Variants in UBR3 observed in about 807,000 individuals in gnomAD.
UBR3 encodes the protein E3 ubiquitin-protein ligase UBR3.
In UBR3, 85 loss-of-function variants were observed where a neutral mutation model predicts 243.2. The ratio of observed to expected loss-of-function variants is 0.35; its 90% confidence interval spans 0.29 to 0.42. UBR3 has a LOEUF of 0.42. Ranked by LOEUF, UBR3 falls within the 10% of genes least tolerant of loss-of-function variation. UBR3 has a pLI of 1.00. For synonymous variants in UBR3, 748 were observed against 799.8 expected (o/e 0.94, Z 1.09); for missense variants, 1,686 against 2,300.8 (o/e 0.73, Z 5.47).
At chr2:169,938,542 A>G (rs75381592) in intron 19 of UBR3, among the ~76,000 whole-genome samples, 1 of 152,150 alleles carries the variant, frequency 6.6e-6, no homozygotes, top group African/African-American at 2.4e-5. Flanking sequence ...GATAACAGGC[A>G]TGAGCCATTG....
intron 1 of UBR3, among the ~76,000 whole-genome samples, chr2:169,849,187 A>G (rs986502814): frequency 1.1e-4 from 16 of 152,294 alleles, no homozygotes; most frequent in African/African-American, 2.4e-4. Flanking sequence ...CTGTTTTTGT[A>G]ACGAGTTGTT....
At chr2:169,829,238 A>G (rs1341789659) in intron 1 of UBR3, among the ~76,000 whole-genome samples, 1 of 152,168 alleles carries the variant, frequency 6.6e-6, no homozygotes, top group Non-Finnish European at 1.5e-5. Context: ...AATGAATGAA[A>G]CATTGACCAA....
At chr2:169,840,642 C>T (rs181043017) in intron 1 of UBR3, among the ~76,000 whole-genome samples, 16 of 152,250 alleles carry the variant, frequency 1.1e-4, no homozygotes, top group Admixed American at 5.2e-4. Context: ...CCCCCCACCG[C>T]GGACACCACT....
At chr2:170,012,961 G>A (rs2090128873) in intron 29 of UBR3, among the ~76,000 whole-genome samples, 2 of 152,062 alleles carry the variant, frequency 1.3e-5, no homozygotes, top group African/African-American at 4.8e-5. Context: ...ACATCTAGGT[G>A]GCCACTAGGG....
chr2:169,840,029 G>T (rs955687497), intron 1 of UBR3, among the ~76,000 whole-genome samples: 13 of 152,166 alleles, frequency 8.5e-5, no homozygotes, highest in African/African-American at 3.1e-4. Context: ...GGCTTGGACT[G>T]CTTCTGTGTC....
intron 31 of UBR3, among the ~76,000 whole-genome samples, chr2:170,034,032 G>A (rs2090758732): frequency 6.7e-6 from 1 of 148,436 alleles, no homozygotes. Flanking sequence ...TTTTTTTAGA[G>A]CAATTTTAGA....
At position 170,007,064 on chromosome 2, in the gene UBR3, C is replaced by T. The variant is rs200069408; in HGVS notation, c.4104C>T (p.Asn1368=). 16 of 1,613,746 alleles carry T rather than the reference C, an allele frequency of 9.9e-6. No homozygotes were observed. In the East Asian group the frequency reaches 3.1e-4, roughly 31 times the overall value. The change falls in exon 28 of 39, where the codon AAC becomes AAT. Residue 1368 remains asparagine (N), a synonymous_variant. Coordinates refer to ENST00000272793, the MANE Select transcript of UBR3 (RefSeq NM_172070.4). The part of the protein sequence containing the change: ...FTCPLCRQFA[N]SVLPCYPGSN... Reference sequence around the variant, plus strand: ...GTCCACTCTGTAGGCAGTTTGCTAACAGTGTTCTTCCATGTTATCCTGGAA... The same window carrying T: ...GTCCACTCTGTAGGCAGTTTGCTAATAGTGTTCTTCCATGTTATCCTGGAA...
At chr2:169,857,091 T>TTTTTTTTTTTTTTTTG (rs2082911942) in intron 1 of UBR3, among the ~76,000 whole-genome samples, 5 of 118,594 alleles carry the variant, frequency 4.2e-5, no homozygotes, top group Admixed American at 8.4e-5. Context: ...TTTTTTTTTT[T>TTTTTTTTTTTTTTTTG]GAGACGGAGT....
intron 20 of UBR3, among the ~76,000 whole-genome samples, chr2:169,944,519 A>C (rs1432327628): frequency 6.6e-6 from 1 of 152,188 alleles, no homozygotes; most frequent in Non-Finnish European, 1.5e-5. Context: ...AATTTTTCTC[A>C]ACTTTAAAAT....
chr2:169,858,418 G>C (rs1026339923), intron 1 of UBR3, among the ~76,000 whole-genome samples: 1 of 152,024 alleles, frequency 6.6e-6, no homozygotes, highest in African/African-American at 2.4e-5. Context: ...GTGTTGCTAT[G>C]TTTTCTAGGC....
At position 169,896,690 on chromosome 2, in the gene UBR3, C is replaced by T; in HGVS notation, c.1420C>T (p.Leu474=). 1 of 1,550,698 alleles carries T rather than the reference C, an allele frequency of 6.4e-7. No homozygotes were observed. Among genetic ancestry groups the T allele is most frequent in the Non-Finnish European group, 8.7e-7 (1 of 1,146,462 alleles). ...GCTGCTGGATATTATGGTCACTGTG[C>T]TATTATACATGATGGAAAGTTGCCT... ...CQLLDIMVTV[L]LYMMESCLIK... Residue 474 remains leucine (L), a synonymous_variant, in exon 8 of 39, where the codon CTA becomes TTA. Transcript: ENST00000272793.
intron 17 of UBR3, 88 bp downstream of exon 17, chr2:169,927,493 A>AC: frequency 1.9e-6 from 2 of 1,074,862 alleles, no homozygotes; most frequent in Non-Finnish European, 2.6e-6. Flanking sequence ...TTTTTGATTA[A>AC]TTTTTTTTCA....
chr2:169,835,997 CT>C (rs1558998156), intron 1 of UBR3, among the ~76,000 whole-genome samples: 2,512 of 40,340 alleles, frequency 0.062, 317 homozygotes, highest in Admixed American at 0.077. Context: ...TGCACTGTCT[CT>C]CTCTCTCTCT....
At chr2:169,936,011 A>G (rs1395573033) in intron 19 of UBR3, among the ~76,000 whole-genome samples, 3 of 152,186 alleles carry the variant, frequency 2.0e-5, no homozygotes, top group Non-Finnish European at 2.9e-5. Flanking sequence ...AATTACATTT[A>G]TATGTTGTCA....
At chr2:169,885,732 C>T (rs1342590194) in intron 5 of UBR3, among the ~76,000 whole-genome samples, 2 of 152,110 alleles carry the variant, frequency 1.3e-5, no homozygotes, top group Non-Finnish European at 2.9e-5. Context: ...AAATAAGTTA[C>T]TGTGTAGATA....
At chr2:169,852,970 C>T (rs546255793) in intron 1 of UBR3, among the ~76,000 whole-genome samples, 68 of 148,124 alleles carry the variant, frequency 4.6e-4, no homozygotes, top group African/African-American at 1.2e-3. Context: ...TATTAGCAAA[C>T]GTGTGTATGA....
intron 36 of UBR3, chr2:170,077,077 A>T (rs1375290327): frequency 5.3e-6 from 2 of 378,006 alleles, no homozygotes; most frequent in Non-Finnish European, 1.0e-5. Context: ...TTAAGACCGA[A>T]TTTTTTTTTC....
intron 21 of UBR3, 169 bp from the exon 22 acceptor site, chr2:169,947,373 G>C: frequency 2.1e-6 from 1 of 466,166 alleles, no homozygotes; most frequent in Non-Finnish European, 3.5e-6. Context: ...TTTTTTGTTT[G>C]AATTTGGTTT....
intron 29 of UBR3, among the ~76,000 whole-genome samples, chr2:170,009,868 A>G (rs1486528060): frequency 6.6e-6 from 1 of 151,982 alleles, no homozygotes; most frequent in Non-Finnish European, 1.5e-5. Context: ...AGGTTCTATT[A>G]TGTATATAGT....
Sources: gnomAD v4.1 joint callset for allele counts (sites outside exome capture counted in the v4.1 genomes callset) on GRCh38, gnomAD v4.1.1 for gene constraint, MANE v1.5 for transcripts, NCBI Gene and HGNC (gene_info 2026-07-23, HGNC 2026-07-21) for gene names.